The following GRIA3 variants were observed in gnomAD, a reference collection of about 807,000 sequenced individuals.
GRIA3 encodes glutamate receptor 3.
Under a neutral mutation model 63.0 loss-of-function variants are expected in GRIA3, and 3 were observed. The observed-to-expected ratio is 0.05, with a 90% CI of 0.02 to 0.12. The LOEUF (loss-of-function observed/expected upper bound fraction) is 0.12. Among genes scored for constraint, GRIA3 ranks in the 10% least tolerant of loss-of-function variants. GRIA3 has a pLI of 1.00. For missense variants in GRIA3, 347 were observed against 700.9 expected (o/e 0.50, Z 5.70); for synonymous variants, 274 against 257.9 (o/e 1.06, Z -0.60).
intron 5 of GRIA3, among the ~76,000 whole-genome samples, chrX:123,372,949 T>C (rs183040172): frequency 5.5e-4 from 60 of 109,385 alleles, no homozygotes; most frequent in African/African-American, 1.9e-3. Flanking sequence ...TTGTGCCATG[T>C]TGGTGTGCTG....
At position 123,395,034 on chromosome X, in the gene GRIA3, G is replaced by T; in HGVS notation, c.817G>T (p.Val273Phe). The change falls in exon 6 of 16, where the codon GTC (valine) becomes TTC (phenylalanine). Residue 273 changes from valine to phenylalanine, a missense_variant. Val to Phe is a conservative substitution (Grantham distance 50). Around this residue, in one of 8 missense-constraint regions of GRIA3, gnomAD observed 113 missense variants for 130.6 expected, o/e 0.87. Coordinates refer to ENST00000620443, the MANE Select transcript of GRIA3 (RefSeq NM_007325.5). ...AGCCAACATTACAGGTTTCCAGATT[G>T]TCAACAATGAAAACCCTATGGTTCA... ...GGANITGFQI[V>F]NNENPMVQQF... The T allele has an allele frequency of 1.7e-6, 2 of 1,196,260 alleles. No homozygotes were observed. The highest frequency in any genetic ancestry group is 2.3e-6 in the Non-Finnish European group (2 of 881,424).
chrX:123,379,359 G>A (rs1178582452), intron 5 of GRIA3, among the ~76,000 whole-genome samples: 1 of 111,531 alleles, frequency 9.0e-6, no homozygotes, highest in Non-Finnish European at 1.9e-5. Flanking sequence ...AATCTAACAT[G>A]CTATGGAAAA....
chrX:123,463,672 GAAAGAA>G (rs1569440871), intron 12 of GRIA3, among the ~76,000 whole-genome samples: 5 of 55,397 alleles, frequency 9.0e-5, no homozygotes, highest in Non-Finnish European at 1.6e-4. Context: ...AAGAAAGAAA[GAAAGAA>G]AGAAAGAGAG....
At chrX:123,332,578 G>A (rs1436458493) in intron 4 of GRIA3, among the ~76,000 whole-genome samples, 1 of 111,003 alleles carries the variant, frequency 9.0e-6, no homozygotes, top group Non-Finnish European at 1.9e-5. Context: ...GACTGGCCTC[G>A]CATCTGACAG....
chrX:123,413,555 A>C (rs1188154325), intron 10 of GRIA3, among the ~76,000 whole-genome samples: 1 of 96,846 alleles, frequency 1.0e-5, no homozygotes, highest in Admixed American at 1.1e-4. Context: ...AAAAAAAAAA[A>C]AAAAAAAAAA....
chrX:123,396,627 A>T (rs2045415506), intron 6 of GRIA3, among the ~76,000 whole-genome samples: 1 of 112,058 alleles, frequency 8.9e-6, no homozygotes, highest in Admixed American at 9.5e-5. Flanking sequence ...CTGGAAAATA[A>T]TCCCAAGTGA....
intron 3 of GRIA3, among the ~76,000 whole-genome samples, chrX:123,273,048 C>T (rs1430599844): frequency 8.9e-6 from 1 of 111,733 alleles, no homozygotes; most frequent in East Asian, 2.8e-4. Flanking sequence ...CCTTCCTGCT[C>T]TGAGCTCATG....
chrX:123,417,154 G>A (rs1025297986), intron 10 of GRIA3, among the ~76,000 whole-genome samples: 2 of 111,801 alleles, frequency 1.8e-5, no homozygotes, highest in Non-Finnish European at 3.8e-5. Context: ...AAGCAGAGTC[G>A]GTTGCTCTAA....
intron 2 of GRIA3, among the ~76,000 whole-genome samples, chrX:123,192,974 G>A (rs759322273): frequency 9.0e-6 from 1 of 110,559 alleles, no homozygotes; most frequent in African/African-American, 3.3e-5. Flanking sequence ...CCAGAGCAAG[G>A]AGACTGTGAT....
chrX:123,327,037 G>A, intron 4 of GRIA3, among the ~76,000 whole-genome samples: 1 of 109,902 alleles, frequency 9.1e-6, no homozygotes, highest in Non-Finnish European at 1.9e-5. Context: ...GTGGTGGCGG[G>A]TGCCTGTGAT....
rs145690154 is a variant in GRIA3, at chrX:123,203,736, C to T, written c.268+17746C>T. Among the ~76,000 whole-genome samples the T allele has an allele frequency of 4.6e-3, 514 of 111,830 alleles. 3 individuals carry two copies. Among genetic ancestry groups the T allele is most frequent in the African/African-American group, 0.016 (483 of 30,760 alleles). On this transcript the variant is annotated intron_variant, in intron 2 of 15. Coordinates refer to ENST00000620443, the MANE Select transcript of GRIA3 (RefSeq NM_007325.5). ...ATACAGGGGTTTGTTTTGTTCAGTG[C>T]GATAGCAAGGTTGGAGAAAGTTTGG...
rs952884895 is a variant in GRIA3 at position 123,375,061 on chromosome X, A to T, written c.751-19907A>T. 4.5e-5 allele frequency among the ~76,000 whole-genome samples: 5 copies of T among 111,524 alleles called. No homozygotes were observed. In the Admixed American group the frequency reaches 4.8e-4, roughly 11 times the overall value. Reference sequence around the variant, plus strand: ...TTTTTTTCCCTCCATTCTGTACAATACTAGCTGTGGGACTGTCATATGGCT... The same window carrying T: ...TTTTTTTCCCTCCATTCTGTACAATTCTAGCTGTGGGACTGTCATATGGCT... On this transcript the variant is annotated intron_variant, in intron 5 of 15. Coordinates refer to ENST00000620443, the MANE Select transcript of GRIA3 (RefSeq NM_007325.5).
chrX:123,302,885 G>A (rs1444914787), intron 3 of GRIA3, among the ~76,000 whole-genome samples: 1 of 110,750 alleles, frequency 9.0e-6, no homozygotes, highest in African/African-American at 3.3e-5. Flanking sequence ...TCTATCCTCT[G>A]TCTAAGTCTA....
chrX:123,397,812 A>T (rs2045422586), intron 6 of GRIA3, among the ~76,000 whole-genome samples: 1 of 112,152 alleles, frequency 8.9e-6, no homozygotes, highest in African/African-American at 3.2e-5. Context: ...CCCCTGCAAA[A>T]CAGGGGCCAG....
At position 123,293,766 on chromosome X, in the gene GRIA3, T is replaced by G. The variant is rs943222042; in HGVS notation, c.509-32260T>G. ...AATAATAGTAAAAGTTATATAAGGC[T>G]TACTATGTGCCAAGTCCTGTTGGAA... On this transcript the variant is annotated intron_variant, in intron 3 of 15. Transcript: ENST00000620443. Among the ~76,000 whole-genome samples the G allele has an allele frequency of 2.7e-5, 3 of 110,507 alleles. No homozygotes were observed. In the East Asian group the frequency reaches 8.6e-4, roughly 32 times the overall value.
intron 15 of GRIA3, among the ~76,000 whole-genome samples, chrX:123,488,141 T>C (rs1167303770): frequency 1.1e-4 from 12 of 112,328 alleles, no homozygotes; most frequent in Admixed American, 1.9e-4. Context: ...AAAGACCGCA[T>C]TGATGCCAAG....
chrX:123,382,842 C>G (rs188304174), intron 5 of GRIA3, among the ~76,000 whole-genome samples: 1 of 112,160 alleles, frequency 8.9e-6, no homozygotes, highest in Admixed American at 9.4e-5. Flanking sequence ...TTTTAACATG[C>G]TATGAATATT....
chrX:123,379,628 T>TG (rs1490740699), intron 5 of GRIA3, among the ~76,000 whole-genome samples: 1 of 106,853 alleles, frequency 9.4e-6, no homozygotes, highest in African/African-American at 3.4e-5. Context: ...TTGTTTTTTT[T>TG]TTTTTTTTTT....
At chrX:123,308,197 C>T (rs898224316) in intron 3 of GRIA3, among the ~76,000 whole-genome samples, 2 of 111,889 alleles carry the variant, frequency 1.8e-5, no homozygotes, top group Non-Finnish European at 3.8e-5. Context: ...AAGCGTAGTT[C>T]TCAGTCGTTA....
Sources: allele counts gnomAD v4.1 joint callset (sites outside exome capture counted in the v4.1 genomes callset), GRCh38; gene constraint gnomAD v4.1.1; regional missense constraint gnomAD v4.1.1; transcripts MANE v1.5; gene names NCBI Gene and HGNC (gene_info 2026-07-23, HGNC 2026-07-21).